Variants in SLC24A3 observed in about 807,000 individuals in gnomAD.
SLC24A3 encodes solute carrier family 24 member 3.
SLC24A3 carries 28 observed loss-of-function variants against 75.8 expected under a neutral mutation model. That is an observed-to-expected ratio of 0.37 (90% confidence interval 0.27 to 0.51). The LOEUF (loss-of-function observed/expected upper bound fraction) is 0.51. Among genes scored for constraint, SLC24A3 ranks in the 20% least tolerant of loss-of-function variants. SLC24A3 has a pLI of 0.94. For synonymous variants in SLC24A3, 372 were observed against 334.1 expected (o/e 1.11, Z -1.24); for missense variants, 663 against 847.8 (o/e 0.78, Z 2.71).
chr20:19,299,283 C>T (rs1984141728), intron 2 of SLC24A3, among the ~76,000 whole-genome samples: 1 of 151,636 alleles, frequency 6.6e-6, no homozygotes, highest in South Asian at 2.1e-4. Flanking sequence ...TGCCTCATAA[C>T]ATGTGTTTGT....
chr20:19,541,298 C>T (rs1434820375), intron 3 of SLC24A3, among the ~76,000 whole-genome samples: 1 of 152,216 alleles, frequency 6.6e-6, no homozygotes, highest in East Asian at 1.9e-4. Context: ...GATGTTGGAG[C>T]TATCCTAACA....
chr20:19,451,153 C>T (rs750252592), intron 2 of SLC24A3, among the ~76,000 whole-genome samples: 3 of 152,154 alleles, frequency 2.0e-5, no homozygotes, highest in Non-Finnish European at 2.9e-5. Context: ...GTATGTAATA[C>T]TTCAGTGAAA....
intron 2 of SLC24A3, among the ~76,000 whole-genome samples, chr20:19,490,263 A>T (rs748109016): frequency 6.6e-6 from 1 of 152,152 alleles, no homozygotes; most frequent in African/African-American, 2.4e-5. Flanking sequence ...CATGGCCCCT[A>T]GGGAATTGAA....
At chr20:19,676,613 G>A (rs1375685796) in intron 9 of SLC24A3, among the ~76,000 whole-genome samples, 1 of 152,170 alleles carries the variant, frequency 6.6e-6, no homozygotes, top group Admixed American at 6.5e-5. Context: ...AACAGCAACA[G>A]TAGTTAAGAA....
At chr20:19,668,242 T>G (rs1459627336) in intron 8 of SLC24A3, among the ~76,000 whole-genome samples, 8 of 152,196 alleles carry the variant, frequency 5.3e-5, no homozygotes, top group Non-Finnish European at 1.0e-4. Context: ...ACTTTGGGAC[T>G]CCCGGGGATT....
At chr20:19,682,281 A>C (rs2032624168) in intron 10 of SLC24A3, among the ~76,000 whole-genome samples, 1 of 152,178 alleles carries the variant, frequency 6.6e-6, no homozygotes, top group Admixed American at 6.5e-5. Flanking sequence ...AAGAAAGAAA[A>C]GGTAACCAAG....
intron 2 of SLC24A3, among the ~76,000 whole-genome samples, chr20:19,332,962 A>G (rs1461126103): frequency 6.6e-6 from 1 of 152,330 alleles, no homozygotes; most frequent in African/African-American, 2.4e-5. Flanking sequence ...TCCCAGGGTC[A>G]GATGAACTGA....
Position 19,681,927 on chromosome 20 carries a change from G to C in SLC24A3, c.837G>C (p.Leu279Phe). 1 of 1,614,170 alleles carries C rather than the reference G, an allele frequency of 6.2e-7. No individual in the cohort carries two copies. The change falls in exon 10 of 17, where the codon TTG becomes TTC. Residue 279 changes from leucine to phenylalanine, a missense_variant. Physicochemically the swap from Leu to Phe is conservative, Grantham distance 22 (BLOSUM62 0). Coordinates refer to ENST00000328041, the MANE Select transcript of SLC24A3 (RefSeq NM_020689.4). ...GTGCCGGGAACATGGTCAACGGATT[G>C]GCCAACAATGCTGAAATTGATGACA... ...TKGAGNMVNG[L>F]ANNAEIDDSS...
intron 2 of SLC24A3, among the ~76,000 whole-genome samples, chr20:19,494,724 T>C (rs1988257674): frequency 6.6e-6 from 1 of 152,142 alleles, no homozygotes; most frequent in South Asian, 2.1e-4. Context: ...CATCCAGCTT[T>C]GGGCTGCAGT....
intron 2 of SLC24A3, among the ~76,000 whole-genome samples, chr20:19,485,783 A>G (rs1022043150): frequency 6.6e-6 from 1 of 152,210 alleles, no homozygotes; most frequent in African/African-American, 2.4e-5. Context: ...TGCTCCAAGG[A>G]TCTTACTCAC....
chr20:19,444,019 C>G (rs6112381), intron 2 of SLC24A3, among the ~76,000 whole-genome samples: 1 of 152,036 alleles, frequency 6.6e-6, no homozygotes, highest in Non-Finnish European at 1.5e-5. Context: ...TCCTTAGTTT[C>G]CTGAGAGTTT....
chr20:19,241,640 A>G (rs988918346), intron 1 of SLC24A3, among the ~76,000 whole-genome samples: 2 of 152,224 alleles, frequency 1.3e-5, no homozygotes, highest in Non-Finnish European at 2.9e-5. Context: ...TGACAAGTAG[A>G]TAAGAATGAT....
At chr20:19,235,821 C>T (rs1299578666) in intron 1 of SLC24A3, among the ~76,000 whole-genome samples, 1 of 152,226 alleles carries the variant, frequency 6.6e-6, no homozygotes, top group Admixed American at 6.5e-5. Flanking sequence ...CTGAGCCCTG[C>T]AGCCTGCACC....
intron 2 of SLC24A3, among the ~76,000 whole-genome samples, chr20:19,329,809 A>G (rs534784746): frequency 6.6e-6 from 1 of 152,290 alleles, no homozygotes; most frequent in East Asian, 1.9e-4. Flanking sequence ...TGTTTGCTTC[A>G]TCTCATCTAC....
At chr20:19,317,220 G>A (rs1206357748) in intron 2 of SLC24A3, among the ~76,000 whole-genome samples, 1 of 152,092 alleles carries the variant, frequency 6.6e-6, no homozygotes, top group Non-Finnish European at 1.5e-5. Context: ...AAAAACCCTA[G>A]AAGAAAACCC....
chr20:19,506,722 G>C (rs1010086967), intron 2 of SLC24A3, among the ~76,000 whole-genome samples: 4 of 151,538 alleles, frequency 2.6e-5, no homozygotes, highest in Non-Finnish European at 4.4e-5. Flanking sequence ...TTCAAAGAGA[G>C]TCCCCTTGCT....
At chr20:19,532,923 C>A (rs766835100) in intron 3 of SLC24A3, among the ~76,000 whole-genome samples, 41 of 152,162 alleles carry the variant, frequency 2.7e-4, no homozygotes, top group Non-Finnish European at 5.3e-4. Context: ...GCAACAGAGA[C>A]GCTGATCAAG....
At chr20:19,471,174 T>A (rs1309363368) in intron 2 of SLC24A3, among the ~76,000 whole-genome samples, 1 of 152,126 alleles carries the variant, frequency 6.6e-6, no homozygotes, top group Non-Finnish European at 1.5e-5. Flanking sequence ...GGAGCCCCCG[T>A]GCTGGAGCTG....
chr20:19,393,786 A>C (rs1270436062), intron 2 of SLC24A3, among the ~76,000 whole-genome samples: 1 of 152,232 alleles, frequency 6.6e-6, no homozygotes, highest in Non-Finnish European at 1.5e-5. Flanking sequence ...TCAAGATTAC[A>C]CAAAATGATC....
Sources: allele counts gnomAD v4.1 joint callset (sites outside exome capture counted in the v4.1 genomes callset), GRCh38; gene constraint gnomAD v4.1.1; transcripts MANE v1.5; gene names NCBI Gene and HGNC (gene_info 2026-07-23, HGNC 2026-07-21).